ESYT2: variants seen among roughly 807,000 people sequenced by gnomAD.
ESYT2 encodes the protein extended synaptotagmin 2.
ESYT2 carries 54 observed loss-of-function variants against 107.2 expected under a neutral mutation model. The ratio of observed to expected loss-of-function variants is 0.50; its 90% confidence interval spans 0.40 to 0.63. The LOEUF (loss-of-function observed/expected upper bound fraction) is 0.63, where lower values mean the gene tolerates loss of function less well. Among genes scored for constraint, ESYT2 ranks in the 30% least tolerant of loss-of-function variants. The pLI is 0.00. For synonymous variants in ESYT2, 491 were observed against 434.1 expected (o/e 1.13, Z -1.63); for missense variants, 1,020 against 1,094.5 (o/e 0.93, Z 0.96).
intron 8 of ESYT2, among the ~76,000 whole-genome samples, 161 bp downstream of exon 8, chr7:158,767,493 T>C (rs1386127544): frequency 6.6e-6 from 1 of 152,204 alleles, no homozygotes; most frequent in African/African-American, 2.4e-5. Context: ...GTCAAGTCTC[T>C]TAAGGAAAGT....
chr7:158,782,392 A>C (rs1240224460), intron 6 of ESYT2, among the ~76,000 whole-genome samples: 1 of 94,540 alleles, frequency 1.1e-5, no homozygotes. Flanking sequence ...TGAGGTAAGA[A>C]CGAGAACAAG....
intron 13 of ESYT2, among the ~76,000 whole-genome samples, chr7:158,757,854 T>C (rs959655523): frequency 6.6e-6 from 1 of 152,192 alleles, no homozygotes; most frequent in Non-Finnish European, 1.5e-5. Flanking sequence ...CCTAACCTTT[T>C]GTAGTCAATT....
intron 1 of ESYT2, among the ~76,000 whole-genome samples, chr7:158,822,105 A>G (rs987703416): frequency 6.6e-6 from 1 of 152,216 alleles, no homozygotes; most frequent in Non-Finnish European, 1.5e-5. Flanking sequence ...GGGTCCTTAC[A>G]TCTCTAAATG....
At chr7:158,773,247 C>G in intron 7 of ESYT2, 94 bp downstream of exon 7, 1 of 1,358,188 alleles carries the variant, frequency 7.4e-7, no homozygotes, top group Non-Finnish European at 1.1e-6. Context: ...CTGGCAGACG[C>G]AGGTCTTAAC....
intron 3 of ESYT2, among the ~76,000 whole-genome samples, chr7:158,795,299 C>G (rs1176714948): frequency 3.3e-5 from 5 of 152,230 alleles, no homozygotes; most frequent in African/African-American, 1.2e-4. Context: ...AATCAGCACT[C>G]CTCTTAATAC....
At chr7:158,739,771 A>G (rs551027279) in intron 18 of ESYT2, among the ~76,000 whole-genome samples, 1 of 147,764 alleles carries the variant, frequency 6.8e-6, no homozygotes, top group South Asian at 2.1e-4. Flanking sequence ...CCTGACCACA[A>G]CAGGACGGGA....
At chr7:158,770,518 T>C (rs1047170833) in intron 7 of ESYT2, among the ~76,000 whole-genome samples, 1 of 150,770 alleles carries the variant, frequency 6.6e-6, no homozygotes, top group Non-Finnish European at 1.5e-5. Context: ...TATATATATA[T>C]ATATTTTTTT....
intron 3 of ESYT2, among the ~76,000 whole-genome samples, chr7:158,794,045 A>G (rs1839386103): frequency 6.6e-6 from 1 of 152,256 alleles, no homozygotes; most frequent in Non-Finnish European, 1.5e-5. Context: ...TGCTGTTGTC[A>G]GCACATGTAA....
chr7:158,822,749 C>T (rs910412493), intron 1 of ESYT2, among the ~76,000 whole-genome samples: 1 of 151,894 alleles, frequency 6.6e-6, no homozygotes, highest in African/African-American at 2.4e-5. Context: ...AGTTCGAGGC[C>T]AGCCTGGGGT....
intron 7 of ESYT2, among the ~76,000 whole-genome samples, chr7:158,772,401 AAT>A (rs1336427709): frequency 2.6e-5 from 4 of 152,216 alleles, no homozygotes; most frequent in Non-Finnish European, 4.4e-5. Context: ...GGCATAAACA[AAT>A]ATATGAGAAT....
chr7:158,807,545 G>C (rs1444193549), intron 1 of ESYT2, among the ~76,000 whole-genome samples: 2 of 152,104 alleles, frequency 1.3e-5, no homozygotes, highest in Admixed American at 1.3e-4. Flanking sequence ...GAAAACACTA[G>C]TACTTTTTTC....
At chr7:158,826,137 G>A (rs1404907301) in intron 1 of ESYT2, among the ~76,000 whole-genome samples, 2 of 151,982 alleles carry the variant, frequency 1.3e-5, no homozygotes, top group Non-Finnish European at 2.9e-5. Flanking sequence ...CACCCCTGCC[G>A]CGCAGCAGAA....
At chr7:158,793,518 A>C (rs1174538314) in intron 4 of ESYT2, 132 bp downstream of exon 4, 1 of 693,126 alleles carries the variant, frequency 1.4e-6, no homozygotes, top group African/African-American at 1.8e-5. Context: ...TTGGATGTCT[A>C]ACAAGAATTT....
At chr7:158,808,979 AAAC>A (rs1027101923) in intron 1 of ESYT2, among the ~76,000 whole-genome samples, 30 of 152,106 alleles carry the variant, frequency 2.0e-4, no homozygotes, top group African/African-American at 4.8e-4. Context: ...CTATCTCAGA[AAAC>A]AACAACAACA....
chr7:158,752,685 T>C (rs1193618869), intron 14 of ESYT2, 96 bp downstream of exon 14: 2 of 735,744 alleles, frequency 2.7e-6, no homozygotes, highest in African/African-American at 3.7e-5. Flanking sequence ...ACTACATAAA[T>C]ATGGGAGGTA....
intron 13 of ESYT2, among the ~76,000 whole-genome samples, chr7:158,756,901 C>T (rs1403574479): frequency 4.0e-5 from 5 of 126,398 alleles, no homozygotes; most frequent in African/African-American, 9.8e-5. Flanking sequence ...AAGAGCAAAA[C>T]TCCATCTCAA....
At chr7:158,763,601 T>A (rs1404184788) in intron 9 of ESYT2, among the ~76,000 whole-genome samples, 3 of 152,044 alleles carry the variant, frequency 2.0e-5, no homozygotes, top group African/African-American at 7.3e-5. Flanking sequence ...AGCCAGTAAA[T>A]TCTTTTAGGA....
chr7:158,759,507 C>A lies in ESYT2; in HGVS notation c.1398G>T (p.Leu466Phe), dbSNP rs752354966. Residue 466 changes from leucine (L) to phenylalanine (F), a missense_variant, in exon 13 of 23, where the codon TTG (leucine) becomes TTT (phenylalanine). Transcript: ENST00000275418. ...CTACCGGAAGGTTCCTTGCTGAATCCAAGTACAAGATCAGCAATGCAGAGG... is the reference window on the plus strand; with the variant it reads ...CTACCGGAAGGTTCCTTGCTGAATCAAAGTACAAGATCAGCAATGCAGAGG... The part of the protein sequence containing the change: ...GLSSALLILY[L>F]DSARNLPSNP... 1 of 1,610,936 alleles carries A rather than the reference C, an allele frequency of 6.2e-7. No individual in the cohort carries two copies. Among genetic ancestry groups the A allele is most frequent in the Non-Finnish European group, 8.5e-7 (1 of 1,177,364 alleles).
rs1840550507 is a variant in ESYT2 at position 158,829,089 on chromosome 7, C to CCAGGCGGGCAGGTCG, written c.315_329dup (p.Cys105_Ala109dup). On this transcript the variant is annotated inframe_insertion and splice_region_variant, in exon 1 of 23. Coordinates refer to ENST00000275418, the MANE Select transcript of ESYT2 (RefSeq NM_001367773.1). ...GGGACGGGCAGGGGTCTGCACTCACCCAGGCGGGCAGGTCGCAGGCGCGCA... is the reference window on the plus strand; with the variant it reads ...GGGACGGGCAGGGGTCTGCACTCACCCAGGCGGGCAGGTCGCAGGCGGGCAGGTCGCAGGCGCGCA... 2.5e-6 allele frequency: 4 copies of CCAGGCGGGCAGGTCG among 1,584,520 alleles called. No individual in the cohort carries two copies. The highest frequency in any genetic ancestry group is 1.7e-6 in the Non-Finnish European group (2 of 1,174,448).
Sources: gnomAD v4.1 joint callset for allele counts (sites outside exome capture counted in the v4.1 genomes callset) on GRCh38, gnomAD v4.1.1 for gene constraint, MANE v1.5 for transcripts, NCBI Gene and HGNC (gene_info 2026-07-23, HGNC 2026-07-21) for gene names.